The following NOC2L variants were observed in gnomAD, a reference collection of about 807,000 sequenced individuals.
NOC2L encodes the protein NOC2 like nucleolar associated transcriptional repressor.
NOC2L carries 101 observed loss-of-function variants against 94.2 expected under a neutral mutation model. That is an observed-to-expected ratio of 1.07 (90% CI 0.91 to 1.26). The LOEUF (loss-of-function observed/expected upper bound fraction) is 1.26. Among genes scored for constraint, NOC2L ranks in the 50% most tolerant of loss-of-function variants. The pLI is 0.00. For synonymous variants in NOC2L, 531 were observed against 413.4 expected (o/e 1.28, Z -3.45); for missense variants, 1,076 against 980.1 (o/e 1.10, Z -1.31).
intron 4 of NOC2L, among the ~76,000 whole-genome samples, chr1:956,649 G>C (rs1350071397): frequency 6.6e-6 from 1 of 152,174 alleles, no homozygotes; most frequent in Non-Finnish European, 1.5e-5. Flanking sequence ...TGAACACACA[G>C]TCCTGGGGCA....
chr1:944,772 C>T lies in NOC2L; in HGVS notation c.2172G>A (p.Leu724=). The change falls in exon 19 of 19, where the codon CTG becomes CTA. Residue 724 remains leucine, a synonymous_variant. Transcript: ENST00000327044. ...EDGDPDAEAG[L]APGELQQLAQ... ...CCAGCTGCTGCAGCTCCCCAGGGGC[C>T]AGCCCCGCCTCTGCGTCTGGGTCTC... The T allele has an allele frequency of 6.3e-7, 1 of 1,597,590 alleles. No homozygotes were observed.
chr1:946,599 C>A, intron 14 of NOC2L, 54 bp from the exon 15 acceptor site: 1 of 1,587,946 alleles, frequency 6.3e-7, no homozygotes. Context: ...ATGTGCACAG[C>A]TGGCCCAGGT....
At position 956,951 on chromosome 1, in the gene NOC2L, C is replaced by T; in HGVS notation, c.429G>A (p.Lys143=). 1 of 1,614,140 alleles carries T rather than the reference C, an allele frequency of 6.2e-7. No individual in the cohort carries two copies. The highest frequency in any genetic ancestry group is 8.5e-7 in the Non-Finnish European group (1 of 1,180,050). ...GDRVPRGLKG[K]KNSVPVTVAM... is the part of the protein sequence containing the mutation. ...CGACGGTCACAGGAACAGAATTCTT[C>T]TTCCCCTTCAGCCCTCTGGGGACTC... The change falls in exon 4 of 19, where the codon AAG becomes AAA. Residue 143 remains lysine (K), a synonymous_variant. Transcript: ENST00000327044.
At chr1:948,655 G>T in intron 12 of NOC2L, 52 bp from the exon 13 acceptor site, 1 of 518,134 alleles carries the variant, frequency 1.9e-6, no homozygotes. Context: ...GGTCACCCTG[G>T]CTTCACCCTG....
chr1:955,557 G>C (rs879384672), intron 6 of NOC2L, among the ~76,000 whole-genome samples: 17 of 152,200 alleles, frequency 1.1e-4, no homozygotes, highest in African/African-American at 4.1e-4. Flanking sequence ...CCAGGAAACA[G>C]GCCAGTCATA....
intron 12 of NOC2L, 65 bp downstream of exon 12, chr1:951,062 G>T: frequency 1.6e-6 from 2 of 1,279,398 alleles, no homozygotes; most frequent in South Asian, 1.3e-5. Flanking sequence ...ACAGACGCCC[G>T]GAGCAGCAGA....
chr1:958,999 G>A lies in NOC2L; in HGVS notation c.109C>T (p.Gln37Ter), dbSNP rs375481825. 10 of 1,612,770 alleles carry A rather than the reference G, an allele frequency of 6.2e-6. No individual in the cohort carries two copies. The highest frequency in any genetic ancestry group is 1.3e-5 in the African/African-American group (1 of 75,066). The stretch of plus-strand genomic sequence containing the variant: ...TCGCGTGCTTCCCGTGTCTCCGCTT[G>A]TGGAGAATTTTCGGACTCGGATTCG... ...ESESESENSPQAETREAREAA... is the reference protein window; with the variant it reads ...ESESESENSP The change falls in exon 2 of 19, where the codon CAA becomes TAA. Residue 37 changes from glutamine (Q) to a stop codon, truncating the protein, a stop_gained. Coordinates refer to ENST00000327044, the MANE Select transcript of NOC2L (RefSeq NM_015658.4). LOFTEE classifies it high-confidence loss of function.
In NOC2L at chr1:952,577, C is replaced by T. The variant is rs1642289239; in HGVS notation, c.1026G>A (p.Arg342=). ...CACCAGGCGAGGTGAACTTGCAGTT[C>T]CTCACATACGTGATGTACATTTGCT... The part of the protein sequence containing the change: ...VLKQMYITYV[R]NCKFTSPGAL... Residue 342 remains arginine (R), a synonymous_variant, in exon 10 of 19, where the codon AGG becomes AGA. Coordinates refer to ENST00000327044, the MANE Select transcript of NOC2L (RefSeq NM_015658.4). 1 of 1,613,710 alleles carries T rather than the reference C, an allele frequency of 6.2e-7. No homozygotes were observed. Among genetic ancestry groups the T allele is most frequent in the African/African-American group, 1.3e-5 (1 of 74,922 alleles).
chr1:950,085 T>G (rs1053096994), intron 12 of NOC2L, among the ~76,000 whole-genome samples: 1 of 152,074 alleles, frequency 6.6e-6, no homozygotes, highest in African/African-American at 2.4e-5. Context: ...TACACACAGG[T>G]ACACACAGGC....
rs1642041912 is a variant in NOC2L, at chr1:944,777, C to A, written c.2167G>T (p.Gly723Trp). 6.3e-7 allele frequency: 1 copy of A among 1,597,652 alleles called. No individual in the cohort carries two copies. The highest frequency in any genetic ancestry group is 8.5e-7 in the Non-Finnish European group (1 of 1,176,550). ...SEDGDPDAEAGLAPGELQQLA... is the reference protein window; with the variant it reads ...SEDGDPDAEAWLAPGELQQLA... ...TGCTGCAGCTCCCCAGGGGCCAGCC[C>A]CGCCTCTGCGTCTGGGTCTCCATCT... Residue 723 changes from glycine to tryptophan, a missense_variant, in exon 19 of 19, where the codon GGG (glycine) becomes TGG (tryptophan). Physicochemically the swap from Gly to Trp is radical, Grantham distance 184. This residue lies in a region of NOC2L where 615 missense variants were observed against 577.4 expected (regional missense o/e 1.07). Coordinates refer to ENST00000327044, the MANE Select transcript of NOC2L (RefSeq NM_015658.4).
chr1:955,864 C>G, intron 6 of NOC2L, 59 bp downstream of exon 6: 1 of 1,427,602 alleles, frequency 7.0e-7, no homozygotes, highest in Non-Finnish European at 9.8e-7. Context: ...TCTGGCTTCT[C>G]CTGTGTGTGG....
chr1:948,154 G>A lies in NOC2L; in HGVS notation c.1636C>T (p.Leu546=), dbSNP rs1280804398. The change falls in exon 14 of 19, where the codon CTG becomes TTG. Residue 546 remains leucine, a synonymous_variant. Coordinates refer to ENST00000327044, the MANE Select transcript of NOC2L (RefSeq NM_015658.4). The part of the protein sequence containing the change: ...SQAHCIGFPE[L]VLPVVLQLKS... ...ACCTGCAGGACCACAGGCAGCACCAGCTCCGGGAAGCCGATGCAGTGTGCC... is the reference window on the plus strand; with the variant it reads ...ACCTGCAGGACCACAGGCAGCACCAACTCCGGGAAGCCGATGCAGTGTGCC... 1.3e-6 allele frequency: 2 copies of A among 1,590,828 alleles called. No individual in the cohort carries two copies. Among genetic ancestry groups the A allele is most frequent in the Non-Finnish European group, 1.7e-6 (2 of 1,169,618 alleles).
chr1:956,750 A>C, intron 4 of NOC2L, 144 bp downstream of exon 4: 6 of 1,201,518 alleles, frequency 5.0e-6, no homozygotes, highest in Non-Finnish European at 7.1e-6. Flanking sequence ...TCCCACCAGC[A>C]CAGCCTCAGG....
chr1:948,043 C>T, intron 14 of NOC2L, 88 bp downstream of exon 14: 1 of 1,066,352 alleles, frequency 9.4e-7, no homozygotes, highest in Non-Finnish European at 1.4e-6. Flanking sequence ...GTACCCGGGA[C>T]AAGGGCACCT....
chr1:956,196 A>T lies in NOC2L; in HGVS notation c.506T>A (p.Leu169Gln). Residue 169 changes from leucine (L) to glutamine (Q), a missense_variant, in exon 5 of 19, where the codon CTG (leucine) becomes CAG (glutamine). This residue lies in a region of NOC2L where 457 missense variants were observed against 386.0 expected (regional missense o/e 1.18). Transcript: ENST00000327044. ...GAACGCCTGTACCACTTCATGGAAC[A>T]GCTTTGGAGTGAGGCGTTGCTGAAG... is the stretch of plus-strand genomic sequence containing the variant. ...QAAKQRLTPK[L>Q]FHEVVQAFRA... 2.5e-6 allele frequency: 4 copies of T among 1,613,804 alleles called. No homozygotes were observed. The highest frequency in any genetic ancestry group is 1.1e-5 in the South Asian group (1 of 91,074).
chr1:944,322 A>G lies in NOC2L; in HGVS notation c.*372T>C. 1 of 1,385,626 alleles carries G rather than the reference A, an allele frequency of 7.2e-7. No homozygotes were observed. Among genetic ancestry groups the G allele is most frequent in the Non-Finnish European group, 9.3e-7 (1 of 1,076,838 alleles). The allele number at this position is 1,385,626 out of a possible 1,614,324, so 85.8% of individuals were successfully genotyped here. A position where few individuals can be genotyped will look rare whatever the true frequency, so the allele number is the denominator to read the frequency against. ...GAACAAATTTTCAAAGACTTGGGGG[A>G]GTGAAGGCAGAGCCTGGTGCAGATG... is the stretch of plus-strand genomic sequence containing the variant. On this transcript the variant is annotated 3_prime_UTR_variant, in exon 19 of 19. Coordinates refer to ENST00000327044, the MANE Select transcript of NOC2L (RefSeq NM_015658.4).
intron 14 of NOC2L, chr1:946,808 A>G (rs576563829): frequency 2.7e-6 from 1 of 373,206 alleles, no homozygotes. Flanking sequence ...CTGTAATCCC[A>G]GCACTTTGGG....
At chr1:951,785 G>A (rs1055577867) in intron 11 of NOC2L, among the ~76,000 whole-genome samples, 1 of 152,234 alleles carries the variant, frequency 6.6e-6, no homozygotes, top group Non-Finnish European at 1.5e-5. Flanking sequence ...ACCGCTGTTG[G>A]AGGAGCTCAT....
At position 951,307 on chromosome 1, in the gene NOC2L, T is replaced by C. The variant is rs575977981; in HGVS notation, c.1332-69A>G. On this transcript the variant is annotated intron_variant, in intron 11 of 18. Transcript: ENST00000327044. Reference sequence around the variant, plus strand: ...AGCCCCTGCCCCTCCCCCTGCTGTCTTGGACCTCCTCCCCCACTCACCGAC... The same window carrying C: ...AGCCCCTGCCCCTCCCCCTGCTGTCCTGGACCTCCTCCCCCACTCACCGAC... The C allele has an allele frequency of 6.8e-5, 81 of 1,198,610 alleles. 1 individual carries two copies. The Admixed American group carries it at 1.2e-3, about 18-fold the overall frequency. 74.2% of individuals were successfully genotyped at this position (1,198,610 alleles called of 1,614,324 possible). A position where few individuals can be genotyped will look rare whatever the true frequency, so the allele number is the denominator to read the frequency against.
Sources: gnomAD v4.1 joint callset for allele counts (sites outside exome capture counted in the v4.1 genomes callset) on GRCh38, gnomAD v4.1.1 for gene constraint, gnomAD v4.1.1 regional missense constraint, MANE v1.5 for transcripts, NCBI Gene and HGNC (gene_info 2026-07-23, HGNC 2026-07-21) for gene names.